The following RBM20 variants were observed in gnomAD, a reference collection of about 807,000 sequenced individuals.
RBM20 encodes RNA-binding protein 20.
Under a neutral mutation model 110.1 loss-of-function variants are expected in RBM20, and 51 were observed. The observed-to-expected ratio is 0.46, with a 90% CI of 0.37 to 0.59. The LOEUF is 0.59. Among genes scored for constraint, RBM20 ranks in the 20% least tolerant of loss-of-function variants. The probability of loss-of-function intolerance (pLI) is 0.00; values close to 1 mark genes in which losing one functional copy is unlikely to be tolerated. For missense variants in RBM20, 1,512 were observed against 1,574.9 expected, an observed-to-expected ratio of 0.96 and a Z score of 0.68; for synonymous variants, 589 against 618.2, an observed-to-expected ratio of 0.95 and a Z score of 0.70.
At chr10:110,723,822 C>A (rs956367518) in intron 1 of RBM20, among the ~76,000 whole-genome samples, 3 of 152,262 alleles carry the variant, frequency 2.0e-5, no homozygotes, top group Non-Finnish European at 4.4e-5. Context: ...ATGAGCACGG[C>A]CCTTCCTCTG....
At chr10:110,729,840 G>A (rs752817398) in intron 1 of RBM20, among the ~76,000 whole-genome samples, 9 of 152,142 alleles carry the variant, frequency 5.9e-5, no homozygotes, top group Non-Finnish European at 1.0e-4. Flanking sequence ...TATTTTTTGA[G>A]ACGGAGTCTC....
At chr10:110,770,689 C>A (rs1418629722) in intron 1 of RBM20, among the ~76,000 whole-genome samples, 1 of 152,206 alleles carries the variant, frequency 6.6e-6, no homozygotes, top group Non-Finnish European at 1.5e-5. Context: ...ATCCAAAATT[C>A]TTTCATTTCA....
intron 1 of RBM20, among the ~76,000 whole-genome samples, chr10:110,682,356 C>T (rs1351706383): frequency 2.0e-5 from 3 of 152,258 alleles, no homozygotes; most frequent in South Asian, 4.1e-4. Context: ...TTTTGTAGAA[C>T]ACAGATGGAG....
In RBM20 at chr10:110,836,993, C is replaced by T. The variant is rs551936098; in HGVS notation, c.*1015C>T. ...AATGAGCTTATTTAAGTCAAGGAAA[C>T]ATCATCTGTCCTTGATTCAGCCTTG... is the stretch of plus-strand genomic sequence containing the variant. On this transcript the variant is annotated 3_prime_UTR_variant, in exon 14 of 14. Transcript: ENST00000369519. 27 of 152,326 alleles carry T rather than the reference C, an allele frequency of 1.8e-4. No homozygotes were observed. Among genetic ancestry groups the T allele is most frequent in the African/African-American group, 6.5e-4 (27 of 41,566 alleles). The allele number at this position is 152,326 out of a possible 1,614,324, so 9.4% of individuals were successfully genotyped here.
In RBM20 at chr10:110,831,050, T is replaced by C. The variant is rs1200328964; in HGVS notation, c.3452-11T>C. 5 of 1,548,620 alleles carry C rather than the reference T, an allele frequency of 3.2e-6. No homozygotes were observed. Among genetic ancestry groups the C allele is most frequent in the Non-Finnish European group, 4.4e-6 (5 of 1,144,598 alleles). ...CCTAACCCTGCGTGTCTATCCCCCA[T>C]CCTTTCCCAGGGGTGGAGTTCGTGG... On this transcript the variant is annotated splice_polypyrimidine_tract_variant and intron_variant, in intron 12 of 13. Coordinates refer to ENST00000369519, the MANE Select transcript of RBM20 (RefSeq NM_001134363.3).
intron 1 of RBM20, among the ~76,000 whole-genome samples, chr10:110,674,328 G>C (rs917366563): frequency 3.3e-5 from 5 of 152,126 alleles, no homozygotes; most frequent in African/African-American, 9.7e-5. Context: ...CTGTTCATGG[G>C]GAATTGCTTA....
chr10:110,814,560 A>G (rs986396651), intron 9 of RBM20, among the ~76,000 whole-genome samples: 4 of 151,674 alleles, frequency 2.6e-5, no homozygotes, highest in African/African-American at 9.7e-5. Context: ...CAGTGGTGTG[A>G]TCTCAGCTCA....
chr10:110,800,044 G>A (rs982863499), intron 7 of RBM20, 126 bp downstream of exon 7: 2 of 906,032 alleles, frequency 2.2e-6, no homozygotes, highest in South Asian at 1.7e-5. Context: ...ATTACACACT[G>A]CCTTTGAGGA....
intron 1 of RBM20, among the ~76,000 whole-genome samples, chr10:110,649,033 T>C (rs981199140): frequency 3.9e-5 from 6 of 152,156 alleles, no homozygotes; most frequent in Non-Finnish European, 7.4e-5. Flanking sequence ...TTTCTATCCA[T>C]GTATTCTTTT....
chr10:110,798,624 G>T (rs61417443), intron 6 of RBM20, among the ~76,000 whole-genome samples: 17,377 of 152,222 alleles, frequency 0.11, 1,111 homozygotes, highest in African/African-American at 0.17. Context: ...AAACCCTAAA[G>T]AATCTTGACT....
intron 1 of RBM20, among the ~76,000 whole-genome samples, chr10:110,704,598 C>G (rs1314387669): frequency 2.0e-5 from 3 of 152,166 alleles, no homozygotes; most frequent in Non-Finnish European, 4.4e-5. Context: ...AGACCACTGG[C>G]TTTTACAATG....
chr10:110,765,392 A>G (rs1448080375), intron 1 of RBM20, among the ~76,000 whole-genome samples: 3 of 151,976 alleles, frequency 2.0e-5, no homozygotes, highest in South Asian at 2.1e-4. Context: ...AGCAGGGGAT[A>G]TTTCGCCAAG....
Position 110,726,396 on chromosome 10 carries a change from T to C in RBM20, c.192-54405T>C, listed in dbSNP as rs142640902. Among the ~76,000 whole-genome samples, 435 of 152,274 alleles carry C rather than the reference T, an allele frequency of 2.9e-3. 6 individuals carry two copies. Among genetic ancestry groups the C allele is most frequent in the African/African-American group, 9.7e-3 (403 of 41,574 alleles). On this transcript the variant is annotated intron_variant, in intron 1 of 13. Coordinates refer to ENST00000369519, the MANE Select transcript of RBM20 (RefSeq NM_001134363.3). Reference sequence around the variant, plus strand: ...TACTGTTCCAAGCATCAGCAATGAGTGAGGCCCTCTATTCACTTGCCTGTC... The same window carrying C: ...TACTGTTCCAAGCATCAGCAATGAGCGAGGCCCTCTATTCACTTGCCTGTC...
intron 7 of RBM20, among the ~76,000 whole-genome samples, chr10:110,803,272 C>T (rs989324075): frequency 3.3e-5 from 5 of 152,188 alleles, no homozygotes; most frequent in African/African-American, 4.8e-5. Context: ...ATGATTAAAA[C>T]TTAGTGCTGT....
At chr10:110,824,222 A>G (rs1306500152) in intron 12 of RBM20, among the ~76,000 whole-genome samples, 1 of 152,152 alleles carries the variant, frequency 6.6e-6, no homozygotes, top group African/African-American at 2.4e-5. Context: ...GATGACATGG[A>G]GTCTTTAAGC....
At chr10:110,786,452 C>T (rs890202866) in intron 5 of RBM20, among the ~76,000 whole-genome samples, 1 of 152,234 alleles carries the variant, frequency 6.6e-6, no homozygotes, top group South Asian at 2.1e-4. Context: ...CATGATGAGA[C>T]GTGAGGCCTG....
In RBM20 at chr10:110,644,504, A is replaced by T. The variant is rs1443727983; in HGVS notation, c.50A>T (p.Glu17Val). The change falls in exon 1 of 14, where the codon GAG becomes GTG. Residue 17 changes from glutamate to valine, a missense_variant. Transcript: ENST00000369519. The surrounding 1 kb of genome is among the most constrained non-coding windows in gnomAD (Gnocchi z 4.3). ...CAGGACGCGGACCCCAGCGGTCCGG[A>T]GCAGCCGGACAGAGTTGCCTGCAGT... is the stretch of plus-strand genomic sequence containing the variant. Reference protein sequence around the residue: ...MSQDADPSGPEQPDRVACSVP... With the variant: ...MSQDADPSGPVQPDRVACSVP... 2.0e-6 allele frequency: 3 copies of T among 1,525,970 alleles called. No individual in the cohort carries two copies. Among genetic ancestry groups the T allele is most frequent in the Non-Finnish European group, 2.6e-6 (3 of 1,140,432 alleles). 94.5% of individuals were successfully genotyped at this position (1,525,970 alleles called of 1,614,324 possible).
intron 1 of RBM20, among the ~76,000 whole-genome samples, chr10:110,698,064 C>G (rs185573176): frequency 6.6e-6 from 1 of 152,178 alleles, no homozygotes; most frequent in South Asian, 2.1e-4. Flanking sequence ...CCCACCAACA[C>G]GCCCGGCTAA....
intron 1 of RBM20, among the ~76,000 whole-genome samples, chr10:110,756,029 G>T (rs185567054): frequency 6.6e-6 from 1 of 152,178 alleles, no homozygotes; most frequent in African/African-American, 2.4e-5. Context: ...ACGCTCCAAC[G>T]TGCATCTGTG....
Sources: gnomAD v4.1 joint callset for allele counts (sites outside exome capture counted in the v4.1 genomes callset) on GRCh38, gnomAD v4.1.1 for gene constraint, Gnocchi (gnomAD v3.1) non-coding constraint, MANE v1.5 for transcripts, NCBI Gene and HGNC (gene_info 2026-07-23, HGNC 2026-07-21) for gene names.